The following CSMD3 variants were observed in gnomAD, a reference collection of about 807,000 sequenced individuals.
CSMD3 encodes the protein CUB and Sushi multiple domains 3, also known as CUB and sushi domain-containing protein 3.
Under a neutral mutation model 435.2 loss-of-function variants are expected in CSMD3, and 177 were observed. The ratio of observed to expected loss-of-function variants is 0.41; its 90% CI spans 0.36 to 0.46. The LOEUF is 0.46. CSMD3 is among the 20% of genes least tolerant of loss of function. The pLI, the probability that CSMD3 is intolerant of heterozygous loss-of-function variation, is 0.34. For synonymous variants in CSMD3, 1,656 were observed against 1,520.5 expected, an observed-to-expected ratio of 1.09 and a Z score of -2.07; for missense variants, 4,265 against 4,504.6, an observed-to-expected ratio of 0.95 and a Z score of 1.52.
intron 32 of CSMD3, among the ~76,000 whole-genome samples, chr8:112,450,038 C>A (rs933428402): frequency 1.3e-5 from 2 of 152,150 alleles, no homozygotes; most frequent in Non-Finnish European, 1.5e-5. Flanking sequence ...ATTCCTATTA[C>A]ACAGTAATAA....
intron 4 of CSMD3, among the ~76,000 whole-genome samples, chr8:113,120,126 T>A (rs1464172262): frequency 6.6e-6 from 1 of 151,946 alleles, no homozygotes; most frequent in Non-Finnish European, 1.5e-5. Flanking sequence ...TCCAAAAAAG[T>A]CTAAGAAATG....
chr8:112,587,375 G>A (rs1303869693), intron 22 of CSMD3, 140 bp from the exon 23 acceptor site: 13 of 640,842 alleles, frequency 2.0e-5, no homozygotes, highest in Non-Finnish European at 3.6e-5. Context: ...GCTTTATGTT[G>A]TAAATGATTA....
At chr8:112,238,708 T>C (rs1225267753) in intron 66 of CSMD3, among the ~76,000 whole-genome samples, 1 of 151,708 alleles carries the variant, frequency 6.6e-6, no homozygotes, top group Non-Finnish European at 1.5e-5. Flanking sequence ...AATTATAAAT[T>C]TTTAAATTTA....
chr8:112,706,684 T>C (rs1198626047), intron 13 of CSMD3, among the ~76,000 whole-genome samples: 2 of 152,034 alleles, frequency 1.3e-5, no homozygotes, highest in Non-Finnish European at 2.9e-5. Context: ...TACCCTTGTG[T>C]CCAATGTTAA....
intron 46 of CSMD3, 63 bp from the exon 47 acceptor site, chr8:112,319,013 A>G (rs1822738720): frequency 2.1e-6 from 2 of 934,118 alleles, no homozygotes; most frequent in South Asian, 2.6e-5. Flanking sequence ...ATAAACAAAT[A>G]TTTCAATTGT....
At chr8:113,267,503 A>G (rs2093480805) in intron 3 of CSMD3, among the ~76,000 whole-genome samples, 1 of 151,720 alleles carries the variant, frequency 6.6e-6, no homozygotes, top group African/African-American at 2.4e-5. Context: ...CAAATAGACA[A>G]ATATTGCATC....
intron 13 of CSMD3, among the ~76,000 whole-genome samples, chr8:112,786,460 G>T (rs1282766197): frequency 6.6e-6 from 1 of 152,008 alleles, no homozygotes; most frequent in African/African-American, 2.4e-5. Context: ...TGTGGCAAAG[G>T]AGGCAGGGTG....
At chr8:112,867,583 C>A (rs1300495262) in intron 10 of CSMD3, among the ~76,000 whole-genome samples, 4 of 152,068 alleles carry the variant, frequency 2.6e-5, no homozygotes, top group Admixed American at 2.0e-4. Flanking sequence ...TGCTTCTAAT[C>A]TATATACCTT....
At chr8:112,528,315 A>G (rs950667902) in intron 27 of CSMD3, among the ~76,000 whole-genome samples, 2 of 152,176 alleles carry the variant, frequency 1.3e-5, no homozygotes, top group African/African-American at 4.8e-5. Context: ...AAACCAAGTA[A>G]TAATATCTTA....
At chr8:112,584,212 A>T (rs1258890312) in intron 23 of CSMD3, among the ~76,000 whole-genome samples, 3 of 151,858 alleles carry the variant, frequency 2.0e-5, no homozygotes, top group Non-Finnish European at 4.4e-5. Flanking sequence ...AAAGAAGGAT[A>T]TAATCATAAT....
At chr8:113,370,424 T>A (rs1047025309) in intron 1 of CSMD3, among the ~76,000 whole-genome samples, 54 of 151,468 alleles carry the variant, frequency 3.6e-4, no homozygotes, top group Non-Finnish European at 7.8e-4. Context: ...TTTTTTTTTT[T>A]ATCTTGTAGA....
intron 11 of CSMD3, among the ~76,000 whole-genome samples, chr8:112,841,725 A>T (rs1044064645): frequency 1.3e-5 from 2 of 151,686 alleles, no homozygotes; most frequent in African/African-American, 4.8e-5. Flanking sequence ...GATGTTAGAG[A>T]TCGTCACAGA....
At chr8:112,725,150 A>T (rs2076936963) in intron 13 of CSMD3, among the ~76,000 whole-genome samples, 1 of 152,006 alleles carries the variant, frequency 6.6e-6, no homozygotes, top group Non-Finnish European at 1.5e-5. Flanking sequence ...TGGGGTCAAA[A>T]CAACTTTTTT....
chr8:113,009,450 G>C (rs1433180046), intron 6 of CSMD3, among the ~76,000 whole-genome samples: 3 of 151,602 alleles, frequency 2.0e-5, no homozygotes, highest in Non-Finnish European at 4.4e-5. Flanking sequence ...TAATTCCTGG[G>C]AATCTCTATT....
At chr8:113,434,626 T>A (rs962703984) in intron 1 of CSMD3, among the ~76,000 whole-genome samples, 3 of 151,124 alleles carry the variant, frequency 2.0e-5, no homozygotes, top group Non-Finnish European at 2.9e-5. Context: ...AAAAAAAATG[T>A]TTTTTACGTA....
chr8:113,395,397 G>A (rs1479625336), intron 1 of CSMD3, among the ~76,000 whole-genome samples: 1 of 151,910 alleles, frequency 6.6e-6, no homozygotes, highest in Non-Finnish European at 1.5e-5. Context: ...CATGAGGTCA[G>A]GAGATTGAGA....
rs141296025 is a variant in CSMD3 at position 112,429,824 on chromosome 8, T to A, written c.5396-20792A>T. ...AGTGTGTAACCTCTGCTGGAATAGA[T>A]CATCAGAAATTTTTTTTCTTTTTTT... On this transcript the variant is annotated intron_variant, in intron 32 of 70. Transcript: ENST00000297405. 1.3e-3 allele frequency among the ~76,000 whole-genome samples: 204 copies of A among 152,148 alleles called. 1 individual carries two copies. Among genetic ancestry groups the A allele is most frequent in the African/African-American group, 4.8e-3 (201 of 41,562 alleles).
intron 6 of CSMD3, among the ~76,000 whole-genome samples, chr8:113,017,240 A>G (rs1244670644): frequency 1.3e-5 from 2 of 151,954 alleles, no homozygotes; most frequent in African/African-American, 4.8e-5. Context: ...TGAAAACCAC[A>G]ATTCCAATCT....
intron 5 of CSMD3, among the ~76,000 whole-genome samples, chr8:113,034,005 C>T (rs947367122): frequency 2.0e-5 from 3 of 151,448 alleles, no homozygotes; most frequent in African/African-American, 7.3e-5. Flanking sequence ...AATTTGCTTG[C>T]TTCTCCTTTG....
Sources: gnomAD v4.1 joint callset for allele counts (sites outside exome capture counted in the v4.1 genomes callset) on GRCh38, gnomAD v4.1.1 for gene constraint, MANE v1.5 for transcripts, NCBI Gene and HGNC (gene_info 2026-07-23, HGNC 2026-07-21) for gene names.